DDX10: variants seen among roughly 807,000 people sequenced by gnomAD.
DDX10 encodes DEAD-box helicase 10, also known as probable ATP-dependent RNA helicase DDX10.
A neutral mutation model predicts 104.3 loss-of-function variants in DDX10; 74 were observed. The ratio of observed to expected loss-of-function variants is 0.71; its 90% confidence interval spans 0.59 to 0.86. The LOEUF (loss-of-function observed/expected upper bound fraction) is 0.86, where lower values mean the gene tolerates loss of function less well. Among genes scored for constraint, DDX10 ranks in the 40% least tolerant of loss-of-function variants. DDX10 has a pLI of 0.00. For synonymous variants in DDX10, 351 were observed against 353.4 expected, an observed-to-expected ratio of 0.99 and a Z score of 0.08; for missense variants, 952 against 1,040.0, an observed-to-expected ratio of 0.92 and a Z score of 1.16.
At chr11:108,835,147 A>G (rs1248447145) in intron 13 of DDX10, among the ~76,000 whole-genome samples, 1 of 152,108 alleles carries the variant, frequency 6.6e-6, no homozygotes, top group Non-Finnish European at 1.5e-5. Context: ...TTTTTAGGTG[A>G]ACAGGTTTAC....
intron 16 of DDX10, among the ~76,000 whole-genome samples, chr11:108,898,869 C>G (rs898617842): frequency 6.6e-6 from 1 of 152,074 alleles, no homozygotes; most frequent in Non-Finnish European, 1.5e-5. Context: ...GAGAACTTCC[C>G]CTTTGCCTTC....
chr11:108,812,018 A>T (rs1565286345), intron 13 of DDX10, among the ~76,000 whole-genome samples: 2 of 152,018 alleles, frequency 1.3e-5, no homozygotes, highest in South Asian at 2.1e-4. Flanking sequence ...GTTCACTTGA[A>T]TTTTTTTTAT....
chr11:108,713,399 A>T (rs562020377), intron 10 of DDX10, among the ~76,000 whole-genome samples: 5 of 152,126 alleles, frequency 3.3e-5, no homozygotes, highest in Non-Finnish European at 7.3e-5. Flanking sequence ...GGAAGTTTTT[A>T]TCAAGTTCAG....
chr11:108,825,970 C>T (rs1326801752), intron 13 of DDX10, among the ~76,000 whole-genome samples: 1 of 152,032 alleles, frequency 6.6e-6, no homozygotes, highest in Non-Finnish European at 1.5e-5. Flanking sequence ...AAATGATTTT[C>T]TAGATATAAT....
At position 108,679,527 on chromosome 11, in the gene DDX10, A is replaced by G. The variant is rs766009529; in HGVS notation, c.815A>G (p.Glu272Gly). ...GCACGCTTGAGTTTGAAAAACCCTG[A>G]GTATGTCTGGGTTCATGAAAAAGCA... Reference protein sequence around the residue: ...DLARLSLKNPEYVWVHEKAKY... With the variant: ...DLARLSLKNPGYVWVHEKAKY... The change falls in exon 6 of 18, where the codon GAG (glutamate) becomes GGG (glycine). Residue 272 changes from glutamate (E) to glycine (G), a missense_variant. This residue lies in a region of DDX10 where 412 missense variants were observed against 479.2 expected (regional missense o/e 0.86). Transcript: ENST00000322536. 4.3e-6 allele frequency: 7 copies of G among 1,611,034 alleles called. No homozygotes were observed. In the Admixed American group the frequency reaches 6.8e-5, roughly 16 times the overall value.
chr11:108,903,419 G>C (rs971216407), intron 16 of DDX10, among the ~76,000 whole-genome samples: 6 of 152,026 alleles, frequency 3.9e-5, no homozygotes, highest in Non-Finnish European at 5.9e-5. Context: ...TGGTACATTT[G>C]GCTTTCCATA....
intron 9 of DDX10, among the ~76,000 whole-genome samples, chr11:108,695,036 T>C (rs2094257823): frequency 6.6e-6 from 1 of 152,226 alleles, no homozygotes; most frequent in Non-Finnish European, 1.5e-5. Flanking sequence ...TATACATTCT[T>C]GGTGGAATTG....
intron 17 of DDX10, chr11:108,920,751 G>C (rs940624286): frequency 6.6e-6 from 1 of 152,248 alleles, no homozygotes; most frequent in African/African-American, 2.4e-5. Flanking sequence ...CCATAAGATA[G>C]ACATGGTTTC....
rs764188896 is a variant in DDX10, at chr11:108,719,815, C to A, written c.1429C>A (p.Arg477=). The A allele has an allele frequency of 1.2e-6, 2 of 1,603,442 alleles. No homozygotes were observed. The highest frequency in any genetic ancestry group is 1.7e-6 in the Non-Finnish European group (2 of 1,170,722). Residue 477 remains arginine, a synonymous_variant, in exon 12 of 18, where the codon CGA becomes AGA. Coordinates refer to ENST00000322536, the MANE Select transcript of DDX10 (RefSeq NM_004398.4). ...TTTACAGTGTTTCGTCTCCTATGTA[C>A]GATCTGTATATCTGATGAAGGATAA... is the stretch of plus-strand genomic sequence containing the variant. The part of the protein sequence containing the change: ...RAQRCFVSYV[R]SVYLMKDKEV...
intron 13 of DDX10, among the ~76,000 whole-genome samples, chr11:108,786,877 C>T (rs1243897681): frequency 1.3e-5 from 2 of 152,038 alleles, no homozygotes; most frequent in Non-Finnish European, 2.9e-5. Flanking sequence ...AGATTTTGAT[C>T]CTGTCTTTAT....
chr11:108,730,080 C>T (rs1301221777), intron 13 of DDX10: 5 of 152,522 alleles, frequency 3.3e-5, no homozygotes, highest in African/African-American at 1.2e-4. Flanking sequence ...CCTTCCATGG[C>T]TGATGCTCTT....
At chr11:108,903,693 G>A (rs1475087952) in intron 16 of DDX10, among the ~76,000 whole-genome samples, 1 of 152,048 alleles carries the variant, frequency 6.6e-6, no homozygotes, top group Non-Finnish European at 1.5e-5. Flanking sequence ...CATGGTTTTT[G>A]TTTGATTCTA....
intron 16 of DDX10, among the ~76,000 whole-genome samples, chr11:108,886,204 G>T (rs1565309098): frequency 6.6e-6 from 1 of 152,198 alleles, no homozygotes; most frequent in African/African-American, 2.4e-5. Flanking sequence ...CTGTAGGTGG[G>T]AAGTAGCATT....
At chr11:108,673,635 T>C in intron 2 of DDX10, 108 bp downstream of exon 2, 1 of 744,944 alleles carries the variant, frequency 1.3e-6, no homozygotes, top group Admixed American at 2.8e-5. Flanking sequence ...TGGCAAATTT[T>C]GATATCATGA....
intron 17 of DDX10, among the ~76,000 whole-genome samples, chr11:108,938,001 C>T (rs571619825): frequency 1.4e-4 from 21 of 152,278 alleles, no homozygotes; most frequent in Non-Finnish European, 2.6e-4. Context: ...GGCTTGGACT[C>T]GCCCCAATTT....
intron 16 of DDX10, among the ~76,000 whole-genome samples, chr11:108,887,458 T>A (rs1863313327): frequency 2.0e-5 from 3 of 151,870 alleles, no homozygotes; most frequent in African/African-American, 7.2e-5. Context: ...TTCTGTCATT[T>A]TTTTTTCTTA....
chr11:108,897,996 G>C (rs1213318410), intron 16 of DDX10, among the ~76,000 whole-genome samples: 1 of 151,942 alleles, frequency 6.6e-6, no homozygotes, highest in Non-Finnish European at 1.5e-5. Context: ...TCCTAGAGAG[G>C]GTATAGAAGA....
intron 16 of DDX10, among the ~76,000 whole-genome samples, chr11:108,882,914 T>C (rs758358280): frequency 1.3e-5 from 2 of 152,220 alleles, no homozygotes; most frequent in Non-Finnish European, 2.9e-5. Context: ...ATTCTTAAAA[T>C]GTTGCGTCCA....
intron 13 of DDX10, among the ~76,000 whole-genome samples, chr11:108,781,849 C>G (rs898781433): frequency 3.9e-5 from 6 of 151,922 alleles, no homozygotes; most frequent in Admixed American, 2.6e-4. Context: ...CTGAATTGCT[C>G]TATTTTTAAT....
Sources: allele counts gnomAD v4.1 joint callset (sites outside exome capture counted in the v4.1 genomes callset), GRCh38; gene constraint gnomAD v4.1.1; regional missense constraint gnomAD v4.1.1; transcripts MANE v1.5; gene names NCBI Gene and HGNC (gene_info 2026-07-23, HGNC 2026-07-21).